Variants in BST1 observed in about 807,000 individuals in gnomAD.
BST1 encodes ADP-ribosyl cyclase/cyclic ADP-ribose hydrolase 2.
A neutral mutation model predicts 40.6 loss-of-function variants in BST1; 49 were observed. The observed-to-expected ratio is 1.21, with a 90% CI of 0.96 to 1.53. The LOEUF (loss-of-function observed/expected upper bound fraction) is 1.53, where lower values mean the gene tolerates loss of function less well. Among genes scored for constraint, BST1 ranks in the 40% most tolerant of loss-of-function variants. The pLI, the probability that BST1 is intolerant of heterozygous loss-of-function variation, is 0.00. For missense variants in BST1, 423 were observed against 395.9 expected (o/e 1.07, Z -0.58); for synonymous variants, 157 against 159.3 (o/e 0.99, Z 0.11).
chr4:15,707,685 C>T, intron 3 of BST1, 39 bp downstream of exon 3: 1 of 1,608,218 alleles, frequency 6.2e-7, no homozygotes, highest in South Asian at 1.1e-5. Context: ...CTTAAGAACT[C>T]CTATTTACTA....
chr4:15,752,907 A>G, the BST1 span, among the ~76,000 whole-genome samples: 1 of 152,248 alleles, frequency 6.6e-6, no homozygotes, highest in Non-Finnish European at 1.5e-5. Context: ...CTGGTTGATA[A>G]TGTAAATAGT....
chr4:15,731,443 TG>T, intron 8 of BST1: 1 of 719,252 alleles, frequency 1.4e-6, no homozygotes. Flanking sequence ...ATGGAGAACT[TG>T]GGGCAGGGAG....
rs1296389542 is a variant in BST1 at position 15,703,216 on chromosome 4, G to A, written c.72G>A (p.Leu24=). The part of the protein sequence containing the change: ...LLLQLLLLLL[L]LAAGGARARW... Reference sequence around the variant, plus strand: ...TGCAGCTTCTGCTTCTACTGTTGCTGCTGGCGGCGGGCGGGGCGCGCGCGC... The same window carrying A: ...TGCAGCTTCTGCTTCTACTGTTGCTACTGGCGGCGGGCGGGGCGCGCGCGC... The change falls in exon 1 of 9, where the codon CTG becomes CTA. Residue 24 remains leucine (L), a synonymous_variant. Coordinates refer to ENST00000265016, the MANE Select transcript of BST1 (RefSeq NM_004334.3). 2 of 1,550,040 alleles carry A rather than the reference G, an allele frequency of 1.3e-6. No individual in the cohort carries two copies. Among genetic ancestry groups the A allele is most frequent in the African/African-American group, 2.7e-5 (2 of 73,028 alleles).
chr4:15,715,484 T>C, intron 5 of BST1, 123 bp downstream of exon 5: 1 of 1,080,316 alleles, frequency 9.3e-7, no homozygotes, highest in Non-Finnish European at 1.4e-6. Context: ...TAAATTCAGG[T>C]AAAGCAAAAC....
chr4:15,745,385 G>A, the BST1 span, among the ~76,000 whole-genome samples: 8 of 152,174 alleles, frequency 5.3e-5, no homozygotes, highest in Admixed American at 5.2e-4. Context: ...AAAGGAAAAT[G>A]TATTGTTTCA....
At chr4:15,728,083 A>G (rs1030989201) in intron 8 of BST1, among the ~76,000 whole-genome samples, 1 of 152,054 alleles carries the variant, frequency 6.6e-6, no homozygotes, top group Non-Finnish European at 1.5e-5. Flanking sequence ...GAAAACAGAC[A>G]TATAGTACTG....
the BST1 span, among the ~76,000 whole-genome samples, chr4:15,756,579 G>A: frequency 2.6e-5 from 4 of 152,288 alleles, no homozygotes; most frequent in South Asian, 6.2e-4. Flanking sequence ...GACATAGGAC[G>A]TGTTGCATAT....
chr4:15,764,315 C>A, the BST1 span, among the ~76,000 whole-genome samples: 1 of 151,934 alleles, frequency 6.6e-6, no homozygotes, highest in Non-Finnish European at 1.5e-5. Flanking sequence ...TTTTTGTTTG[C>A]TTTTGTTTTT....
intron 3 of BST1, among the ~76,000 whole-genome samples, chr4:15,710,658 C>T (rs903388881): frequency 1.3e-5 from 2 of 152,166 alleles, no homozygotes; most frequent in African/African-American, 2.4e-5. Flanking sequence ...TTGAAGATTC[C>T]ACTTTCAAGT....
chr4:15,718,080 C>T (rs1720605468), intron 6 of BST1, among the ~76,000 whole-genome samples: 1 of 152,152 alleles, frequency 6.6e-6, no homozygotes, highest in Admixed American at 6.5e-5. Context: ...CAGCCTGGCT[C>T]CTTTTTCCTA....
chr4:15,753,036 T>C, the BST1 span, among the ~76,000 whole-genome samples: 2 of 151,378 alleles, frequency 1.3e-5, no homozygotes, highest in Non-Finnish European at 2.9e-5. Flanking sequence ...CACTAAGAAA[T>C]ATTTAAATAT....
chr4:15,729,835 T>G (rs1010008613), intron 8 of BST1, among the ~76,000 whole-genome samples: 1 of 151,848 alleles, frequency 6.6e-6, no homozygotes, highest in Non-Finnish European at 1.5e-5. Flanking sequence ...TGATAATGGA[T>G]GTAAGTGATA....
At chr4:15,713,579 T>A (rs1388120638) in intron 4 of BST1, among the ~76,000 whole-genome samples, 1 of 152,184 alleles carries the variant, frequency 6.6e-6, no homozygotes, top group Non-Finnish European at 1.5e-5. Flanking sequence ...GTCAAGAAGC[T>A]TTACCAGGAT....
the BST1 span, among the ~76,000 whole-genome samples, chr4:15,758,533 T>C: frequency 6.6e-6 from 1 of 152,218 alleles, no homozygotes; most frequent in Admixed American, 6.5e-5. Context: ...TGAAATCATA[T>C]CCTTAGCATT....
At chr4:15,737,966 G>A (rs1164185670) in exon 7 of BST1, 2 of 419,424 alleles carry the variant, frequency 4.8e-6, no homozygotes, top group Non-Finnish European at 8.7e-6. Context: ...AGCTTCAGAG[G>A]AAACAGGATA....
chr4:15,754,277 A>C, the BST1 span, among the ~76,000 whole-genome samples: 2 of 152,168 alleles, frequency 1.3e-5, no homozygotes, highest in Admixed American at 1.3e-4. Context: ...TAGAGGCTTC[A>C]TGAGTCGCTA....
chr4:15,704,527 C>A (rs1394208837), intron 1 of BST1, among the ~76,000 whole-genome samples: 1 of 142,992 alleles, frequency 7.0e-6, no homozygotes, highest in Non-Finnish European at 1.5e-5. Context: ...TGTGTGTGGT[C>A]TATAGGTGAG....
downstream of BST1, among the ~76,000 whole-genome samples, chr4:15,739,324 T>A (rs1326508936): frequency 6.6e-6 from 1 of 152,252 alleles, no homozygotes; most frequent in Non-Finnish European, 1.5e-5. Context: ...ATGAAACGTA[T>A]ATGTATTAAA....
chr4:15,730,657 A>G (rs1164545170), intron 8 of BST1, among the ~76,000 whole-genome samples: 1 of 152,236 alleles, frequency 6.6e-6, no homozygotes, highest in Non-Finnish European at 1.5e-5. Context: ...CCTGTTGTCT[A>G]GAGAAGCTTT....
Sources: gnomAD v4.1 joint callset for allele counts (sites outside exome capture counted in the v4.1 genomes callset) on GRCh38, gnomAD v4.1.1 for gene constraint, MANE v1.5 for transcripts, NCBI Gene and HGNC (gene_info 2026-07-23, HGNC 2026-07-21) for gene names.